ADCY10: variants seen among roughly 807,000 people sequenced by gnomAD.
ADCY10 encodes adenylate cyclase type 10.
ADCY10 carries 156 observed loss-of-function variants against 183.3 expected under a neutral mutation model. The ratio of observed to expected loss-of-function variants is 0.85; its 90% confidence interval spans 0.75 to 0.97. The LOEUF (loss-of-function observed/expected upper bound fraction) is 0.97. Among genes scored for constraint, ADCY10 ranks in the 50% least tolerant of loss-of-function variants. The pLI, the probability that ADCY10 is intolerant of heterozygous loss-of-function variation, is 0.00. For synonymous variants in ADCY10, 645 were observed against 670.0 expected (o/e 0.96, Z 0.58); for missense variants, 1,745 against 1,934.3 (o/e 0.90, Z 1.84).
intron 21 of ADCY10, among the ~76,000 whole-genome samples, chr1:167,838,957 C>T (rs1664426941): frequency 6.6e-6 from 1 of 152,206 alleles, no homozygotes; most frequent in South Asian, 2.1e-4. Context: ...CCTATTCAGT[C>T]CATCAGAAAG....
intron 8 of ADCY10, among the ~76,000 whole-genome samples, chr1:167,891,655 CAA>C (rs774084079): frequency 2.3e-4 from 25 of 107,622 alleles, no homozygotes; most frequent in Non-Finnish European, 1.8e-4. Flanking sequence ...GACTCTGTCT[CAA>C]AAAAAAAAAA....
rs1664295525 is a variant in ADCY10 at position 167,837,396 on chromosome 1, T to C, written c.3008-78A>G. 3 of 1,318,072 alleles carry C rather than the reference T, an allele frequency of 2.3e-6. No homozygotes were observed. The African/African-American group carries it at 4.3e-5, about 19-fold the overall frequency. 81.6% of individuals were successfully genotyped at this position (1,318,072 alleles called of 1,614,324 possible). The stretch of plus-strand genomic sequence containing the variant: ...GAGATATCTGCTGTCTACCCAAGAC[T>C]CTTGTTCCCTTTTCGGAGTTGTTGC... On this transcript the variant is annotated intron_variant, in intron 21 of 32. Transcript: ENST00000367851.
chr1:167,816,365 G>A (rs1281283374), intron 31 of ADCY10, among the ~76,000 whole-genome samples: 1 of 152,078 alleles, frequency 6.6e-6, no homozygotes, highest in African/African-American at 2.4e-5. Flanking sequence ...GGCCAACATG[G>A]TGAAACCCTG....
intron 8 of ADCY10, among the ~76,000 whole-genome samples, 144 bp downstream of exon 8, chr1:167,893,695 CAAAAAAAAAAAAAA>C (rs748872658): frequency 1.4e-5 from 1 of 70,188 alleles, no homozygotes; most frequent in African/African-American, 5.0e-5. Context: ...GACTCTGTCT[CAAAAAAAAAAAAAA>C]AAAAAAAAAA....
chr1:167,885,498 G>A (rs1294027948), intron 8 of ADCY10, among the ~76,000 whole-genome samples: 2 of 152,198 alleles, frequency 1.3e-5, no homozygotes, highest in Non-Finnish European at 2.9e-5. Context: ...GGGGTAAGAT[G>A]ATAATCTTAT....
At chr1:167,867,018 T>C (rs1053935250) in intron 14 of ADCY10, among the ~76,000 whole-genome samples, 2 of 152,246 alleles carry the variant, frequency 1.3e-5, no homozygotes, top group African/African-American at 4.8e-5. Flanking sequence ...AGGACATCAT[T>C]AGCTAATGAA....
intron 23 of ADCY10, 58 bp downstream of exon 23, chr1:167,836,251 G>T: frequency 1.7e-6 from 2 of 1,177,110 alleles, no homozygotes; most frequent in Non-Finnish European, 2.5e-6. Flanking sequence ...CTTCCTTCTG[G>T]CTCTATGTTC....
rs569006168 is a variant in ADCY10 at position 167,904,832 on chromosome 1, C to G, written c.148+161G>C. The G allele has an allele frequency of 1.9e-4, 169 of 901,250 alleles. 1 individual carries two copies. In the South Asian group the frequency reaches 2.4e-3, roughly 13 times the overall value. 55.8% of individuals were successfully genotyped at this position (901,250 alleles called of 1,614,324 possible). Reference sequence around the variant, plus strand: ...GGAGGATGAGAGAGAGCCAGGGCCACAAGCTATTTCCTCCCTCTTGTGTTC... The same window carrying G: ...GGAGGATGAGAGAGAGCCAGGGCCAGAAGCTATTTCCTCCCTCTTGTGTTC... On this transcript the variant is annotated intron_variant, in intron 2 of 32. Transcript: ENST00000367851.
intron 5 of ADCY10, 70 bp downstream of exon 5, chr1:167,901,592 G>A (rs1669425377): frequency 1.4e-6 from 2 of 1,473,830 alleles, no homozygotes; most frequent in Non-Finnish European, 1.9e-6. Flanking sequence ...CTCTTTGGGA[G>A]AGAGAGATGC....
intron 8 of ADCY10, among the ~76,000 whole-genome samples, chr1:167,893,260 C>T (rs953840648): frequency 1.3e-5 from 2 of 152,098 alleles, no homozygotes; most frequent in African/African-American, 2.4e-5. Flanking sequence ...AAAGGGTGCC[C>T]GCATGTTCTT....
chr1:167,852,821 C>A (rs1244338518), intron 18 of ADCY10, among the ~76,000 whole-genome samples: 2 of 151,806 alleles, frequency 1.3e-5, no homozygotes, highest in African/African-American at 4.8e-5. Flanking sequence ...TCTCAGACAA[C>A]CATCTGTCTC....
chr1:167,810,942 T>C, intron 31 of ADCY10, 29 bp from the exon 32 acceptor site: 1 of 1,608,986 alleles, frequency 6.2e-7, no homozygotes, highest in Non-Finnish European at 8.5e-7. Flanking sequence ...CAACAGTATA[T>C]TAGAATTAAA....
In ADCY10 at chr1:167,829,368, G is replaced by A. The variant is rs754372156; in HGVS notation, c.3649C>T (p.Arg1217Cys). The A allele has an allele frequency of 5.6e-6, 9 of 1,614,044 alleles. No individual in the cohort carries two copies. Among genetic ancestry groups the A allele is most frequent in the Admixed American group, 1.7e-5 (1 of 60,006 alleles). The change falls in exon 26 of 33, where the codon CGC becomes TGC. Residue 1217 changes from arginine to cysteine, a missense_variant. Coordinates refer to ENST00000367851, the MANE Select transcript of ADCY10 (RefSeq NM_018417.6). Reference sequence around the variant, plus strand: ...AAAAGATAACTGTAGCTATAGATGCGCCACAGCAAGGAAAGGCAGACAGTT... The same window carrying A: ...AAAAGATAACTGTAGCTATAGATGCACCACAGCAAGGAAAGGCAGACAGTT... ...RQTVCLSLLW[R>C]IYSYSYLFHC... is the part of the protein sequence containing the mutation.
At position 167,824,891 on chromosome 1, in the gene ADCY10, C is replaced by T. The variant is rs376002874; in HGVS notation, c.3751-36G>A. ...AGAGTGGAGGAAGAGTGAGGCAGAA[C>T]GCAAAGCAGAAAGCTCAGGAACATC... On this transcript the variant is annotated intron_variant, in intron 26 of 32. Coordinates refer to ENST00000367851, the MANE Select transcript of ADCY10 (RefSeq NM_018417.6). 1.1e-4 allele frequency: 179 copies of T among 1,590,018 alleles called. No individual in the cohort carries two copies. In the African/African-American group the frequency reaches 1.8e-3, roughly 16 times the overall value.
intron 31 of ADCY10, among the ~76,000 whole-genome samples, chr1:167,813,609 T>G (rs575349479): frequency 1.3e-5 from 2 of 152,246 alleles, no homozygotes; most frequent in East Asian, 3.9e-4. Context: ...GAAATAAAGA[T>G]CTCAACAAAG....
intron 17 of ADCY10, 105 bp from the exon 18 acceptor site, chr1:167,854,594 T>C: frequency 7.1e-7 from 1 of 1,413,050 alleles, no homozygotes; most frequent in Non-Finnish European, 1.0e-6. Flanking sequence ...TTGTCATTCT[T>C]CATTTGTTTC....
At chr1:167,850,920 A>G (rs61806972) in intron 18 of ADCY10, among the ~76,000 whole-genome samples, 9,620 of 152,144 alleles carry the variant, frequency 0.063, 363 homozygotes, top group South Asian at 0.1. Flanking sequence ...TCTAGTGGGA[A>G]ACAAACATTA....
intron 1 of ADCY10, among the ~76,000 whole-genome samples, chr1:167,913,554 T>G (rs1429092723): frequency 6.6e-6 from 1 of 152,242 alleles, no homozygotes; most frequent in Non-Finnish European, 1.5e-5. Flanking sequence ...TATCCTTGAT[T>G]ATCTTTTGAA....
chr1:167,911,047 A>G lies in ADCY10; in HGVS notation c.-59+2929T>C, dbSNP rs563422477. Among the ~76,000 whole-genome samples, 9 of 152,334 alleles carry G rather than the reference A, an allele frequency of 5.9e-5. 1 individual carries two copies. The South Asian group carries it at 1.9e-3, about 32-fold the overall frequency. ...AGACTGTTTTGCTAAAGTTGTTAAC[A>G]CTGGATGGAAAGTGGGTTAGGTTTA... On this transcript the variant is annotated intron_variant, in intron 1 of 32. Transcript: ENST00000367851.
Sources: allele counts gnomAD v4.1 joint callset (sites outside exome capture counted in the v4.1 genomes callset), GRCh38; gene constraint gnomAD v4.1.1; transcripts MANE v1.5; gene names NCBI Gene and HGNC (gene_info 2026-07-23, HGNC 2026-07-21).